GNG7: variants seen among roughly 807,000 people sequenced by gnomAD.
GNG7 encodes G protein subunit gamma 7.
A neutral mutation model predicts 4.0 loss-of-function variants in GNG7; 1 was observed. The observed-to-expected ratio is 0.25, with a 90% CI of 0.09 to 1.18. The LOEUF is 1.18. GNG7 is among the 50% of genes most tolerant of loss of function. The pLI, the probability that GNG7 is intolerant of heterozygous loss-of-function variation, is 0.50. For synonymous variants in GNG7, 34 were observed against 36.9 expected, an observed-to-expected ratio of 0.92 and a Z score of 0.29; for missense variants, 86 against 91.9, an observed-to-expected ratio of 0.94 and a Z score of 0.26.
At chr19:2,663,457 T>C (rs1022851194) in intron 1 of GNG7, among the ~76,000 whole-genome samples, 4 of 151,510 alleles carry the variant, frequency 2.6e-5, no homozygotes, top group East Asian at 2.0e-4. Flanking sequence ...CACCTCGACA[T>C]TGGACTTCCC....
At position 2,636,802 on chromosome 19, in the gene GNG7, G is replaced by A. The variant is rs1253633968; in HGVS notation, c.-78+9422C>T. Among the ~76,000 whole-genome samples the A allele has an allele frequency of 2.0e-5, 3 of 152,184 alleles. No homozygotes were observed. In the East Asian group the frequency reaches 5.8e-4, roughly 29 times the overall value. On this transcript the variant is annotated intron_variant, in intron 2 of 4. Coordinates refer to ENST00000382159, the MANE Select transcript of GNG7 (RefSeq NM_052847.3). ...AGGTATCAAGCAAACTGCAGTGGGGGTAGTGACAGAGCTTAAAGAGGGGCT... is the reference window on the plus strand; with the variant it reads ...AGGTATCAAGCAAACTGCAGTGGGGATAGTGACAGAGCTTAAAGAGGGGCT...
chr19:2,689,496 G>A (rs535680398), intron 1 of GNG7, among the ~76,000 whole-genome samples: 57 of 151,740 alleles, frequency 3.8e-4, no homozygotes, highest in Non-Finnish European at 7.8e-4. Flanking sequence ...GGTGGTGGAC[G>A]CCTGTAATCC....
At chr19:2,545,445 C>T (rs1470013809) in intron 3 of GNG7, among the ~76,000 whole-genome samples, 3 of 151,402 alleles carry the variant, frequency 2.0e-5, no homozygotes, top group African/African-American at 7.3e-5. Flanking sequence ...GTCAGGGGTT[C>T]GAGACCAGCC....
At chr19:2,568,342 CA>C (rs1419285410) in intron 2 of GNG7, among the ~76,000 whole-genome samples, 1 of 149,174 alleles carries the variant, frequency 6.7e-6, no homozygotes, top group Non-Finnish European at 1.5e-5. Flanking sequence ...CACATATAGA[CA>C]TACATACACA....
intron 1 of GNG7, among the ~76,000 whole-genome samples, chr19:2,674,489 G>A (rs1983544879): frequency 6.6e-6 from 1 of 152,070 alleles, no homozygotes; most frequent in African/African-American, 2.4e-5. Flanking sequence ...AGGCTGGAGT[G>A]CAGTGGTGCA....
intron 3 of GNG7, among the ~76,000 whole-genome samples, chr19:2,526,266 G>C (rs1220915914): frequency 6.6e-6 from 1 of 151,646 alleles, no homozygotes; most frequent in Non-Finnish European, 1.5e-5. Context: ...CACTGCGCCT[G>C]GCCAATTTTT....
chr19:2,553,485 T>C (rs896263682), intron 3 of GNG7, among the ~76,000 whole-genome samples: 2 of 137,522 alleles, frequency 1.5e-5, no homozygotes, highest in Non-Finnish European at 3.1e-5. Context: ...ATACTATATA[T>C]TATATTTTAT....
chr19:2,602,263 G>A (rs1184157537), intron 2 of GNG7, among the ~76,000 whole-genome samples: 4 of 152,156 alleles, frequency 2.6e-5, no homozygotes, highest in Admixed American at 2.6e-4. Context: ...CTTGAACCCG[G>A]GAGGCAGAGG....
chr19:2,669,838 C>T (rs1450913379), intron 1 of GNG7, among the ~76,000 whole-genome samples: 3 of 151,718 alleles, frequency 2.0e-5, no homozygotes, highest in South Asian at 2.1e-4. Context: ...GGTGAAACCC[C>T]GTCTCTACTA....
intron 3 of GNG7, among the ~76,000 whole-genome samples, chr19:2,539,397 C>T (rs1183257082): frequency 1.3e-5 from 2 of 151,080 alleles, no homozygotes; most frequent in African/African-American, 4.9e-5. Flanking sequence ...CCTTTGCTTC[C>T]TGATTCAAGC....
intron 4 of GNG7, among the ~76,000 whole-genome samples, chr19:2,518,834 G>A (rs146064681): frequency 1.1e-3 from 164 of 151,890 alleles, no homozygotes; most frequent in Non-Finnish European, 1.7e-3. Context: ...TCACCCTGTC[G>A]CTTGGGGTTG....
intron 1 of GNG7, among the ~76,000 whole-genome samples, chr19:2,696,914 G>C (rs1913280634): frequency 6.6e-6 from 1 of 152,202 alleles, no homozygotes; most frequent in South Asian, 2.1e-4. Flanking sequence ...GCCCAGGCTG[G>C]AGTGCAGTGC....
chr19:2,685,497 C>G (rs1353399069), intron 1 of GNG7, among the ~76,000 whole-genome samples: 1 of 151,950 alleles, frequency 6.6e-6, no homozygotes, highest in African/African-American at 2.4e-5. Context: ...TGGTGGCATG[C>G]ACCTGTGGTC....
intron 1 of GNG7, among the ~76,000 whole-genome samples, chr19:2,667,190 G>A (rs1406951512): frequency 1.3e-5 from 2 of 152,110 alleles, no homozygotes; most frequent in African/African-American, 2.4e-5. Flanking sequence ...CGGGCAAGGT[G>A]CTGCGCCTGT....
chr19:2,591,624 G>A (rs909443923), intron 2 of GNG7, among the ~76,000 whole-genome samples: 6 of 151,994 alleles, frequency 3.9e-5, no homozygotes, highest in African/African-American at 1.4e-4. Flanking sequence ...TACAATGGGT[G>A]TGTTAGGATG....
At chr19:2,613,968 C>T (rs1323810023) in intron 2 of GNG7, among the ~76,000 whole-genome samples, 10 of 152,236 alleles carry the variant, frequency 6.6e-5, no homozygotes, top group Admixed American at 5.2e-4. Flanking sequence ...CTAAGGCCAG[C>T]GAAGGCCACG....
intron 1 of GNG7, among the ~76,000 whole-genome samples, chr19:2,683,928 C>T (rs1568284261): frequency 1.3e-5 from 2 of 152,306 alleles, no homozygotes; most frequent in East Asian, 1.9e-4. Flanking sequence ...GAGCTCAAAT[C>T]CGCCCTCAGC....
At chr19:2,659,064 G>A (rs898844362) in intron 1 of GNG7, among the ~76,000 whole-genome samples, 3 of 151,782 alleles carry the variant, frequency 2.0e-5, no homozygotes, top group Non-Finnish European at 2.9e-5. Context: ...CCACCTCCCG[G>A]GTTCATGCCA....
At chr19:2,525,971 A>ATTTTTTTTTTT (rs35639922) in intron 3 of GNG7, among the ~76,000 whole-genome samples, 1,393 of 75,588 alleles carry the variant, frequency 0.018, 299 homozygotes, top group African/African-American at 0.077. Flanking sequence ...CTCCACGCCA[A>ATTTTTTTTTTT]TTTTTTTTTT....
Sources: allele counts gnomAD v4.1 joint callset (sites outside exome capture counted in the v4.1 genomes callset), GRCh38; gene constraint gnomAD v4.1.1; transcripts MANE v1.5; gene names NCBI Gene and HGNC (gene_info 2026-07-23, HGNC 2026-07-21).